Variants in SEPTIN11 observed in about 807,000 individuals in gnomAD.
SEPTIN11 encodes the protein septin-11.
SEPTIN11 carries 25 observed loss-of-function variants against 51.4 expected under a neutral mutation model. That is an observed-to-expected ratio of 0.49 (90% CI 0.35 to 0.68). SEPTIN11 has a LOEUF of 0.68. SEPTIN11 is among the 30% of genes least tolerant of loss of function. SEPTIN11 has a pLI of 0.00. For synonymous variants in SEPTIN11, 174 were observed against 184.1 expected, an observed-to-expected ratio of 0.95 and a Z score of 0.44; for missense variants, 381 against 520.8, an observed-to-expected ratio of 0.73 and a Z score of 2.61.
chr4:76,982,139 C>T (rs1722801622), intron 1 of SEPTIN11, among the ~76,000 whole-genome samples: 1 of 152,126 alleles, frequency 6.6e-6, no homozygotes, highest in Admixed American at 6.6e-5. Flanking sequence ...TTTCCTTTTC[C>T]TGCTGCCTTC....
rs1185886750 is a variant in SEPTIN11, at chr4:77,023,266, G to GTA, written c.953+2599_953+2600dup. On this transcript the variant is annotated intron_variant, in intron 7 of 9. Coordinates refer to ENST00000264893, the MANE Select transcript of SEPTIN11 (RefSeq NM_018243.4). ...GCTTTTGATGATGAAAAGGGAAAAT[G>GTA]TATACACACACACACACACACACAC... 6.4e-3 allele frequency among the ~76,000 whole-genome samples: 587 copies of GTA among 91,650 alleles called. 2 individuals are homozygous for GTA. Among genetic ancestry groups the GTA allele is most frequent in the Middle Eastern group, 0.028 (5 of 180 alleles). The allele number at this position is 91,650 out of a possible 152,430, so 60.1% of individuals were successfully genotyped here. A position where few individuals can be genotyped will look rare whatever the true frequency, so the allele number is the denominator to read the frequency against.
chr4:77,027,414 G>T (rs1259307388), intron 7 of SEPTIN11, among the ~76,000 whole-genome samples: 1 of 152,200 alleles, frequency 6.6e-6, no homozygotes, highest in African/African-American at 2.4e-5. Context: ...GGGATTACAG[G>T]TGTGAACCAC....
intron 7 of SEPTIN11, among the ~76,000 whole-genome samples, chr4:77,023,269 TACACACACACAC>T (rs61693678): frequency 1.4e-5 from 2 of 139,254 alleles, no homozygotes; most frequent in African/African-American, 2.6e-5. Flanking sequence ...GGAAAATGTA[TACACACACACAC>T]ACACACACAC....
chr4:76,953,520 C>T (rs182190510), intron 1 of SEPTIN11, among the ~76,000 whole-genome samples: 363 of 152,156 alleles, frequency 2.4e-3, no homozygotes, highest in African/African-American at 8.3e-3. Flanking sequence ...ATAAAATTGC[C>T]ATTTTTGTGA....
downstream of SEPTIN11, chr4:77,039,053 T>C (rs1449328034): frequency 7.8e-7 from 1 of 1,283,032 alleles, no homozygotes; most frequent in African/African-American, 1.5e-5. Context: ...ATCTGAACCT[T>C]TCTTTTTTCT....
chr4:76,951,169 C>T (rs6821371), intron 1 of SEPTIN11, among the ~76,000 whole-genome samples: 3,395 of 152,236 alleles, frequency 0.022, 106 homozygotes, highest in African/African-American at 0.077. Context: ...CCTAACTCCT[C>T]CCCAGATACG....
chr4:76,982,400 G>A (rs975706368), intron 1 of SEPTIN11, among the ~76,000 whole-genome samples: 6 of 151,892 alleles, frequency 4.0e-5, no homozygotes, highest in South Asian at 4.2e-4. Flanking sequence ...TAGTAGATAC[G>A]GGGTTTCACC....
At chr4:77,025,712 G>A (rs773776715) in intron 7 of SEPTIN11, among the ~76,000 whole-genome samples, 1 of 152,070 alleles carries the variant, frequency 6.6e-6, no homozygotes, top group Non-Finnish European at 1.5e-5. Flanking sequence ...GGATGCTATG[G>A]TTCTAAGTTA....
chr4:77,012,670 T>C (rs971307575), intron 4 of SEPTIN11, among the ~76,000 whole-genome samples: 1 of 152,212 alleles, frequency 6.6e-6, no homozygotes, highest in Admixed American at 6.5e-5. Context: ...CTGGGTGTTG[T>C]TACTATGATT....
intron 1 of SEPTIN11, among the ~76,000 whole-genome samples, chr4:76,975,854 A>T (rs1722475199): frequency 6.6e-6 from 1 of 152,254 alleles, no homozygotes. Context: ...CCTACAGATA[A>T]CTTGGAGAAG....
intron 1 of SEPTIN11, among the ~76,000 whole-genome samples, chr4:76,953,285 C>T (rs1379686242): frequency 2.6e-5 from 4 of 152,112 alleles, no homozygotes; most frequent in Admixed American, 6.6e-5. Flanking sequence ...TTACCAGGAG[C>T]TTTATTGTTT....
At chr4:76,949,980 G>C (rs1431258693) in intron 1 of SEPTIN11, 50 bp downstream of exon 1, 1 of 1,401,426 alleles carries the variant, frequency 7.1e-7, no homozygotes, top group East Asian at 3.0e-5. Context: ...GGTGGTCTCT[G>C]CTCTGGGGCG....
intron 1 of SEPTIN11, among the ~76,000 whole-genome samples, chr4:76,991,261 A>G (rs1447415785): frequency 6.6e-6 from 1 of 152,176 alleles, no homozygotes; most frequent in Non-Finnish European, 1.5e-5. Flanking sequence ...TGCCAAGGAG[A>G]TATGTATGAG....
intron 1 of SEPTIN11, among the ~76,000 whole-genome samples, chr4:76,987,274 C>T (rs927933131): frequency 7.2e-5 from 11 of 152,078 alleles, no homozygotes; most frequent in African/African-American, 9.7e-5. Flanking sequence ...TCCTCACTGC[C>T]GCCTGGCGCT....
chr4:77,037,413 C>T lies in SEPTIN11; in HGVS notation c.*2901C>T, dbSNP rs1240010504. 1.0e-4 allele frequency: 101 copies of T among 985,174 alleles called. No homozygotes were observed. Among genetic ancestry groups the T allele is most frequent in the Non-Finnish European group, 1.2e-4 (96 of 829,934 alleles). The allele number at this position is 985,174 out of a possible 1,614,324, so 61.0% of individuals were successfully genotyped here. The stretch of plus-strand genomic sequence containing the variant: ...CCTGTGCTCTACATAGCCTCATGGG[C>T]ATCATTGGATAGCTCAGAGGGCCCT... On this transcript the variant is annotated 3_prime_UTR_variant, in exon 10 of 10. Coordinates refer to ENST00000264893, the MANE Select transcript of SEPTIN11 (RefSeq NM_018243.4).
At chr4:76,986,155 C>T (rs998253125) in intron 1 of SEPTIN11, among the ~76,000 whole-genome samples, 1 of 151,990 alleles carries the variant, frequency 6.6e-6, no homozygotes, top group Non-Finnish European at 1.5e-5. Flanking sequence ...TTTTTTTCTC[C>T]TGCAAGAGGG....
intron 1 of SEPTIN11, chr4:76,995,632 A>T: frequency 3.7e-6 from 2 of 535,870 alleles, no homozygotes; most frequent in Non-Finnish European, 6.1e-6. Context: ...GGTTTCACAG[A>T]TTATCTCCAA....
intron 1 of SEPTIN11, among the ~76,000 whole-genome samples, chr4:76,982,963 T>A (rs543212675): frequency 3.9e-5 from 6 of 152,216 alleles, no homozygotes; most frequent in Admixed American, 1.3e-4. Flanking sequence ...GTTTTTTTTT[T>A]AGCTGGGGAA....
chr4:76,972,780 C>T (rs939773690), intron 1 of SEPTIN11, among the ~76,000 whole-genome samples: 4 of 152,144 alleles, frequency 2.6e-5, no homozygotes, highest in Non-Finnish European at 5.9e-5. Flanking sequence ...TTAAAATTCT[C>T]ATCAAAACAA....
Sources: gnomAD v4.1 joint callset for allele counts (sites outside exome capture counted in the v4.1 genomes callset) on GRCh38, gnomAD v4.1.1 for gene constraint, MANE v1.5 for transcripts, NCBI Gene and HGNC (gene_info 2026-07-23, HGNC 2026-07-21) for gene names.